Variants in MMP17 observed in about 807,000 individuals in gnomAD.
MMP17 encodes the protein matrix metallopeptidase 17, also known as matrix metalloproteinase-17.
In MMP17, 54 loss-of-function variants were observed where a neutral mutation model predicts 49.1. The observed-to-expected ratio is 1.10, with a 90% CI of 0.88 to 1.38. MMP17 has a LOEUF of 1.38. Ranked by LOEUF, MMP17 falls within the 40% of genes most tolerant of loss-of-function variation. MMP17 has a pLI of 0.00. For synonymous variants in MMP17, 397 were observed against 383.1 expected, an observed-to-expected ratio of 1.04 and a Z score of -0.42; for missense variants, 837 against 853.7, an observed-to-expected ratio of 0.98 and a Z score of 0.24.
At chr12:131,839,538 A>G (rs1887274001) in intron 3 of MMP17, among the ~76,000 whole-genome samples, 1 of 151,880 alleles carries the variant, frequency 6.6e-6, no homozygotes, top group Non-Finnish European at 1.5e-5. Flanking sequence ...CGGTGTTGCA[A>G]TCTTGGCTCA....
Position 131,851,308 on chromosome 12 carries a change from G to T in MMP17, c.*34G>T. 2.2e-6 allele frequency: 3 copies of T among 1,358,932 alleles called. No individual in the cohort carries two copies. The highest frequency in any genetic ancestry group is 2.8e-6 in the Non-Finnish European group (3 of 1,052,844). The allele number at this position is 1,358,932 out of a possible 1,614,324, so 84.2% of individuals were successfully genotyped here. ...GCGAGCCCATGAGAGGACAGAGGCG[G>T]TGGGACAGCCTGGCCACAGAGGGCA... On this transcript the variant is annotated 3_prime_UTR_variant, in exon 10 of 10. Coordinates refer to ENST00000360564, the MANE Select transcript of MMP17 (RefSeq NM_016155.7).
At position 131,850,913 on chromosome 12, in the gene MMP17, T is replaced by C; in HGVS notation, c.1463-12T>C. The C allele has an allele frequency of 6.8e-7, 1 of 1,463,250 alleles. No homozygotes were observed. The highest frequency in any genetic ancestry group is 1.5e-5 in the South Asian group (1 of 68,846). 90.6% of individuals were successfully genotyped at this position (1,463,250 alleles called of 1,614,324 possible). On this transcript the variant is annotated splice_polypyrimidine_tract_variant and intron_variant, in intron 9 of 9. Transcript: ENST00000360564. ...GCCCTCCCCTGAGCTCAGCTCTCCCTCCTCTTCTCAGGTGCCTCCTACTTC... is the reference window on the plus strand; with the variant it reads ...GCCCTCCCCTGAGCTCAGCTCTCCCCCCTCTTCTCAGGTGCCTCCTACTTC...
intron 1 of MMP17, among the ~76,000 whole-genome samples, chr12:131,833,713 A>G (rs1459959085): frequency 6.6e-6 from 1 of 152,186 alleles, no homozygotes; most frequent in East Asian, 1.9e-4. Flanking sequence ...CCCAGGCCCC[A>G]TGCAGGTTGG....
intron 1 of MMP17, among the ~76,000 whole-genome samples, chr12:131,830,781 A>C (rs908401703): frequency 6.6e-6 from 1 of 152,162 alleles, no homozygotes; most frequent in African/African-American, 2.4e-5. Context: ...CGCCCCCCGT[A>C]TGCACGTGAA....
At chr12:131,850,395 G>A (rs966786748) in intron 9 of MMP17, among the ~76,000 whole-genome samples, 4 of 152,090 alleles carry the variant, frequency 2.6e-5, no homozygotes, top group African/African-American at 9.7e-5. Flanking sequence ...CCCCTCCCTC[G>A]CCGGCCCCAG....
In MMP17 at chr12:131,851,532, C is replaced by T. The variant is rs117299843; in HGVS notation, c.*258C>T. 11,966 of 389,336 alleles carry T rather than the reference C, an allele frequency of 0.031. 1,353 individuals carry two copies. The highest frequency in any genetic ancestry group is 0.3 in the East Asian group (8,315 of 27,304). The allele number at this position is 389,336 out of a possible 1,614,324, so 24.1% of individuals were successfully genotyped here. On this transcript the variant is annotated 3_prime_UTR_variant, in exon 10 of 10. Coordinates refer to ENST00000360564, the MANE Select transcript of MMP17 (RefSeq NM_016155.7). ...GCTCCAGAAGGGTGCCCAGTCAGGC[C>T]GCACCGCCGCCAGCCTCCTCCGGCC...
At chr12:131,850,129 G>A in intron 9 of MMP17, 70 bp downstream of exon 9, 1 of 1,491,058 alleles carries the variant, frequency 6.7e-7, no homozygotes, top group Non-Finnish European at 8.9e-7. Context: ...ATCACTACAG[G>A]GCAGCCAAGA....
intron 1 of MMP17, among the ~76,000 whole-genome samples, chr12:131,830,955 C>A (rs1886762460): frequency 6.6e-6 from 1 of 152,234 alleles, no homozygotes; most frequent in South Asian, 2.1e-4. Flanking sequence ...ATACAGCGAG[C>A]AGCCCAGGGT....
chr12:131,842,874 CT>C (rs1387121919), intron 5 of MMP17, among the ~76,000 whole-genome samples: 1 of 152,130 alleles, frequency 6.6e-6, no homozygotes, highest in Non-Finnish European at 1.5e-5. Context: ...GGTTCCAGAA[CT>C]TTTTCATCAC....
At chr12:131,840,317 G>T (rs975215995) in intron 3 of MMP17, 1 of 475,834 alleles carries the variant, frequency 2.1e-6, no homozygotes, top group African/African-American at 1.9e-5. Flanking sequence ...GCTCCACGCG[G>T]GAGCTGACGT....
At chr12:131,834,571 G>A (rs1239299492) in intron 1 of MMP17, among the ~76,000 whole-genome samples, 2 of 152,106 alleles carry the variant, frequency 1.3e-5, no homozygotes, top group East Asian at 3.9e-4. Context: ...CCCCACCCCA[G>A]CGGCCATCCT....
intron 6 of MMP17, 35 bp from the exon 7 acceptor site, chr12:131,845,083 C>A: frequency 6.3e-7 from 1 of 1,589,168 alleles, no homozygotes; most frequent in Non-Finnish European, 8.5e-7. Flanking sequence ...CTGCCCAGGC[C>A]CCGCCTCCCA....
In MMP17 at chr12:131,849,812, C is replaced by T. The variant is rs752214247; in HGVS notation, c.1215C>T (p.Tyr405=). ...HKIVFFKGDR[Y]WVFKDNNVEE... ...TTCTCTCGCCCCCAGGAGACAGGTA[C>T]TGGGTGTTCAAGGACAATAACGTAG... The change falls in exon 9 of 10, where the codon TAC becomes TAT. Residue 405 remains tyrosine, a synonymous_variant. Coordinates refer to ENST00000360564, the MANE Select transcript of MMP17 (RefSeq NM_016155.7). 1.2e-6 allele frequency: 2 copies of T among 1,613,342 alleles called. No homozygotes were observed. Among genetic ancestry groups the T allele is most frequent in the South Asian group, 1.1e-5 (1 of 91,052 alleles).
At chr12:131,830,538 C>T (rs912585700) in intron 1 of MMP17, among the ~76,000 whole-genome samples, 1 of 152,224 alleles carries the variant, frequency 6.6e-6, no homozygotes, top group Admixed American at 6.5e-5. Context: ...GAACCGCGGG[C>T]CGAGCTCAGG....
At chr12:131,838,132 G>T (rs1887176201) in intron 1 of MMP17, 63 bp from the exon 2 acceptor site, 2 of 1,519,130 alleles carry the variant, frequency 1.3e-6, no homozygotes. Flanking sequence ...GCCCGTGGCA[G>T]GCTTCTCACT....
Position 131,830,621 on chromosome 12 carries a change from T to G in MMP17, c.159+1968T>G, listed in dbSNP as rs376405367. Among the ~76,000 whole-genome samples the G allele has an allele frequency of 7.2e-5, 11 of 152,320 alleles. No individual in the cohort carries two copies. The East Asian group carries it at 2.1e-3, about 30-fold the overall frequency. ...TCTGGGCGGGAGCGGGGACTCCTCCTCCGCCCGCTCGCCGGAGGCGCTCCC... is the reference window on the plus strand; with the variant it reads ...TCTGGGCGGGAGCGGGGACTCCTCCGCCGCCCGCTCGCCGGAGGCGCTCCC... On this transcript the variant is annotated intron_variant, in intron 1 of 9. Coordinates refer to ENST00000360564, the MANE Select transcript of MMP17 (RefSeq NM_016155.7).
intron 1 of MMP17, among the ~76,000 whole-genome samples, chr12:131,833,838 C>T (rs533012047): frequency 1.3e-5 from 2 of 152,158 alleles, no homozygotes; most frequent in Admixed American, 6.5e-5. Context: ...GTGCCCTGGG[C>T]GGGAGGGGCC....
chr12:131,830,698 G>A (rs1344872462), intron 1 of MMP17, among the ~76,000 whole-genome samples: 1 of 152,202 alleles, frequency 6.6e-6, no homozygotes, highest in East Asian at 1.9e-4. Context: ...GTGCTCCTTT[G>A]TCTCAGAGCT....
Position 131,840,615 on chromosome 12 carries a change from G to A in MMP17, c.465G>A (p.Thr155=), listed in dbSNP as rs200140685. The A allele has an allele frequency of 5.6e-6, 9 of 1,604,420 alleles. No individual in the cohort carries two copies. Among genetic ancestry groups the A allele is most frequent in the South Asian group, 4.4e-5 (4 of 90,998 alleles). The change falls in exon 4 of 10, where the codon ACG becomes ACA. Residue 155 remains threonine, a synonymous_variant. Coordinates refer to ENST00000360564, the MANE Select transcript of MMP17 (RefSeq NM_016155.7). ...FPRDSPLGHD[T]VRALMYYALK... ...GGGACTCACCACTGGGGCACGACACGGTGCGTGCACTCATGTACTACGCCC... is the reference window on the plus strand; with the variant it reads ...GGGACTCACCACTGGGGCACGACACAGTGCGTGCACTCATGTACTACGCCC...
Sources: allele counts gnomAD v4.1 joint callset (sites outside exome capture counted in the v4.1 genomes callset), GRCh38; gene constraint gnomAD v4.1.1; transcripts MANE v1.5; gene names NCBI Gene and HGNC (gene_info 2026-07-23, HGNC 2026-07-21).